HTT: variants seen among roughly 807,000 people sequenced by gnomAD.
HTT encodes the protein huntingtin.
HTT carries 104 observed loss-of-function variants against 362.3 expected under a neutral mutation model. That is an observed-to-expected ratio of 0.29 (90% confidence interval 0.24 to 0.34). The LOEUF (loss-of-function observed/expected upper bound fraction) is 0.34. HTT is among the 10% of genes least tolerant of loss of function. The pLI is 1.00. For missense variants in HTT, 3,301 were observed against 3,928.6 expected (o/e 0.84, Z 4.27); for synonymous variants, 1,577 against 1,548.7 (o/e 1.02, Z -0.43).
chr4:3,118,902 A>G (rs905407465), intron 8 of HTT, among the ~76,000 whole-genome samples: 2 of 152,230 alleles, frequency 1.3e-5, no homozygotes, highest in Non-Finnish European at 2.9e-5. Context: ...TAATTAAATT[A>G]CCATGAGACG....
At chr4:3,080,682 A>G (rs1266212148) in intron 1 of HTT, among the ~76,000 whole-genome samples, 1 of 152,236 alleles carries the variant, frequency 6.6e-6, no homozygotes, top group African/African-American at 2.4e-5. Flanking sequence ...GTCTAATCCA[A>G]AGTCAAAAAG....
intron 47 of HTT, among the ~76,000 whole-genome samples, chr4:3,211,384 A>T (rs535847567): frequency 2.0e-5 from 3 of 152,210 alleles, no homozygotes; most frequent in Non-Finnish European, 4.4e-5. Context: ...TGAGTATTAA[A>T]CTAAGATAGA....
chr4:3,181,350 A>G (rs1190918110), intron 36 of HTT, among the ~76,000 whole-genome samples: 1 of 152,072 alleles, frequency 6.6e-6, no homozygotes, highest in Non-Finnish European at 1.5e-5. Flanking sequence ...AGAAATCTCA[A>G]CTCTGAAATA....
At chr4:3,196,607 G>A (rs989850559) in intron 40 of HTT, among the ~76,000 whole-genome samples, 5 of 151,764 alleles carry the variant, frequency 3.3e-5, no homozygotes, top group South Asian at 2.1e-4. Flanking sequence ...GCATGGTGGC[G>A]CACACCTATA....
rs532034580 is a variant in HTT at position 3,078,893 on chromosome 4, T to C, written c.263+3805T>C. ...GGGACTACAGGCGCCTGCCACCACG[T>C]CCAGCTAATTTTTTTGTATTTTTAA... On this transcript the variant is annotated intron_variant, in intron 1 of 66. Transcript: ENST00000355072. Among the ~76,000 whole-genome samples, 9 of 152,186 alleles carry C rather than the reference T, an allele frequency of 5.9e-5. No homozygotes were observed. The South Asian group carries it at 1.2e-3, about 21-fold the overall frequency.
At chr4:3,185,201 G>T (rs1349206083) in intron 37 of HTT, among the ~76,000 whole-genome samples, 1 of 152,198 alleles carries the variant, frequency 6.6e-6, no homozygotes, top group Non-Finnish European at 1.5e-5. Context: ...ATGAAGGCCT[G>T]TTTACGCACT....
At chr4:3,171,801 T>C (rs1717991281) in intron 29 of HTT, among the ~76,000 whole-genome samples, 1 of 152,200 alleles carries the variant, frequency 6.6e-6, no homozygotes, top group Admixed American at 6.5e-5. Context: ...GAAAAGGACA[T>C]TGGGTGCTGT....
At chr4:3,113,493 C>T (rs1714866893) in intron 6 of HTT, among the ~76,000 whole-genome samples, 1 of 152,114 alleles carries the variant, frequency 6.6e-6, no homozygotes, top group South Asian at 2.1e-4. Flanking sequence ...CCATGCCTGG[C>T]TAATGTTTGT....
Position 3,104,738 on chromosome 4 carries a change from C to T in HTT, c.529-619C>T, listed in dbSNP as rs150915225. 2.2e-4 allele frequency among the ~76,000 whole-genome samples: 34 copies of T among 152,206 alleles called. No individual in the cohort carries two copies. The East Asian group carries it at 3.3e-3, about 15-fold the overall frequency. On this transcript the variant is annotated intron_variant, in intron 4 of 66. Coordinates refer to ENST00000355072, the MANE Select transcript of HTT (RefSeq NM_001388492.1). ...GACCAGCATGGGCAACATGGCAAAA[C>T]GCTGTCTGTACAGAAATTAGCTGGG...
chr4:3,186,065 A>C (rs1191507718), intron 37 of HTT, among the ~76,000 whole-genome samples: 1 of 152,208 alleles, frequency 6.6e-6, no homozygotes, highest in African/African-American at 2.4e-5. Context: ...ATTTTTCAAA[A>C]CAACTAAAAC....
intron 21 of HTT, among the ~76,000 whole-genome samples, chr4:3,137,127 C>G (rs1413265141): frequency 6.6e-6 from 1 of 151,734 alleles, no homozygotes; most frequent in African/African-American, 2.4e-5. Flanking sequence ...AGGCTGGTCT[C>G]GAACTTCTGA....
chr4:3,235,683 A>T lies in HTT; in HGVS notation c.8690A>T (p.Glu2897Val). The T allele has an allele frequency of 6.2e-7, 1 of 1,613,644 alleles. No homozygotes were observed. Among genetic ancestry groups the T allele is most frequent in the Non-Finnish European group, 8.5e-7 (1 of 1,180,028 alleles). Residue 2897 changes from glutamate (E) to valine (V), a missense_variant, in exon 63 of 67, where the codon GAA (glutamate) becomes GTA (valine). By Grantham distance (121) the Glu-to-Val change is moderately radical. This residue lies in a region of HTT where 753 missense variants were observed against 1,021.3 expected (regional missense o/e 0.74). Transcript: ENST00000355072. ...GAGCAGCTCTCCCGCCTGGATGCAG[A>T]ATCGCTGGTCAAGCTGAGTGTGGAC... The part of the protein sequence containing the change: ...LSEQLSRLDA[E>V]SLVKLSVDRV...
At chr4:3,156,339 C>G (rs1440885954) in intron 27 of HTT, among the ~76,000 whole-genome samples, 1 of 152,144 alleles carries the variant, frequency 6.6e-6, no homozygotes, top group East Asian at 1.9e-4. Flanking sequence ...AGGCTGGTCT[C>G]GAACTCCTGA....
Position 3,074,991 on chromosome 4 carries a change from C to T in HTT, c.166C>T (p.Pro56Ser). The T allele has an allele frequency of 6.8e-7, 1 of 1,474,912 alleles. No homozygotes were observed. The allele number at this position is 1,474,912 out of a possible 1,614,324, so 91.4% of individuals were successfully genotyped here. A position where few individuals can be genotyped will look rare whatever the true frequency, so the allele number is the denominator to read the frequency against. The change falls in exon 1 of 67, where the codon CCG becomes TCG. Residue 56 changes from proline (P) to serine (S), a missense_variant. Around this residue, in one of 4 missense-constraint regions of HTT, gnomAD observed 2,316 missense variants for 2,658.5 expected, o/e 0.87. Coordinates refer to ENST00000355072, the MANE Select transcript of HTT (RefSeq NM_001388492.1). ...PPPPQLPQPP[P>S]QAQPLLPQPQ... The stretch of plus-strand genomic sequence containing the variant: ...GCCTCCTCAGCTTCCTCAGCCGCCG[C>T]CGCAGGCACAGCCGCTGCTGCCTCA...
chr4:3,108,863 T>C (rs1046471675), intron 6 of HTT, among the ~76,000 whole-genome samples: 1 of 151,920 alleles, frequency 6.6e-6, no homozygotes, highest in African/African-American at 2.4e-5. Flanking sequence ...CTGGGCAAGA[T>C]AGTGAGACCC....
At position 3,131,568 on chromosome 4, in the gene HTT, G is replaced by T; in HGVS notation, c.2099-70G>T. The T allele has an allele frequency of 5.7e-6, 9 of 1,591,194 alleles. No homozygotes were observed. In the South Asian group the frequency reaches 1.0e-4, roughly 18 times the overall value. ...ATGATGGGAGCAGGTAGGTTATTGGGTCTGGTTTTGTTCATTTGAAAACAA... is the reference window on the plus strand; with the variant it reads ...ATGATGGGAGCAGGTAGGTTATTGGTTCTGGTTTTGTTCATTTGAAAACAA... On this transcript the variant is annotated intron_variant, in intron 15 of 66. Coordinates refer to ENST00000355072, the MANE Select transcript of HTT (RefSeq NM_001388492.1).
chr4:3,103,655 A>C (rs186005645), intron 3 of HTT, among the ~76,000 whole-genome samples, 169 bp from the exon 4 acceptor site: 3 of 152,340 alleles, frequency 2.0e-5, no homozygotes, highest in African/African-American at 7.2e-5. Context: ...TAGTTTATTC[A>C]GTAACTTCCT....
intron 6 of HTT, among the ~76,000 whole-genome samples, chr4:3,109,125 A>G (rs1714593831): frequency 1.3e-5 from 2 of 152,002 alleles, no homozygotes. Flanking sequence ...ATAAACAAAG[A>G]TAGTAGTTCC....
intron 46 of HTT, among the ~76,000 whole-genome samples, 180 bp downstream of exon 46, chr4:3,209,091 G>A (rs906228584): frequency 7.2e-5 from 11 of 152,248 alleles, no homozygotes; most frequent in African/African-American, 1.9e-4. Context: ...GAGCCAAGCA[G>A]TGCTGATGTG....
Sources: allele counts gnomAD v4.1 joint callset (sites outside exome capture counted in the v4.1 genomes callset), GRCh38; gene constraint gnomAD v4.1.1; regional missense constraint gnomAD v4.1.1; transcripts MANE v1.5; gene names NCBI Gene and HGNC (gene_info 2026-07-23, HGNC 2026-07-21).